The following DCN variants were observed in gnomAD, a reference collection of about 807,000 sequenced individuals.
DCN encodes bone proteoglycan II.
DCN carries 17 observed loss-of-function variants against 36.5 expected under a neutral mutation model. The observed-to-expected ratio is 0.47, with a 90% CI of 0.32 to 0.70. The LOEUF is 0.70. DCN is among the 30% of genes least tolerant of loss of function. The pLI is 0.04. For synonymous variants in DCN, 163 were observed against 161.4 expected, an observed-to-expected ratio of 1.01 and a Z score of -0.07; for missense variants, 389 against 430.1, an observed-to-expected ratio of 0.90 and a Z score of 0.84.
At chr12:91,151,595 AGCAGGGTGGGG>A (rs752460765) in intron 7 of DCN, 48 bp downstream of exon 7, 1 of 1,606,642 alleles carries the variant, frequency 6.2e-7, no homozygotes, top group Non-Finnish European at 8.5e-7. Flanking sequence ...GCATCCCATA[AGCAGGGTGGGG>A]GTCTTGCTTT....
At chr12:91,147,037 T>C (rs556896015) in intron 7 of DCN, among the ~76,000 whole-genome samples, 22 of 152,326 alleles carry the variant, frequency 1.4e-4, no homozygotes, top group Admixed American at 9.1e-4. Flanking sequence ...GCAATTGCTT[T>C]AGAAAGTAAA....
In DCN at chr12:91,182,652, T is replaced by C. The variant is rs1351277691; in HGVS notation, c.-34+3A>G. 4 of 151,940 alleles carry C rather than the reference T, an allele frequency of 2.6e-5. No homozygotes were observed. Among genetic ancestry groups the C allele is most frequent in the Non-Finnish European group, 5.9e-5 (4 of 67,966 alleles). 9.4% of individuals were successfully genotyped at this position (151,940 alleles called of 1,614,324 possible). A position where few individuals can be genotyped will look rare whatever the true frequency, so the allele number is the denominator to read the frequency against. On this transcript the variant is annotated splice_donor_region_variant and intron_variant, in intron 1 of 7. Transcript: ENST00000052754. The stretch of plus-strand genomic sequence containing the variant: ...AGTTCAGGACAATTATTGAAAACCA[T>C]ACCTTTTAATCCGGGAATTTGCCAC...
chr12:91,158,071 C>A (rs544795473), intron 4 of DCN, among the ~76,000 whole-genome samples: 6 of 152,070 alleles, frequency 3.9e-5, no homozygotes, highest in Non-Finnish European at 7.4e-5. Context: ...TAACTTCAGC[C>A]CTAGGGTTTT....
rs1880801314 is a variant in DCN, at chr12:91,143,013, G to A, written c.*3045C>T. 1 of 152,078 alleles carries A rather than the reference G, an allele frequency of 6.6e-6. No individual in the cohort carries two copies. Among genetic ancestry groups the A allele is most frequent in the Admixed American group, 6.6e-5 (1 of 15,266 alleles). The allele number at this position is 152,078 out of a possible 1,614,324, so 9.4% of individuals were successfully genotyped here. Reference sequence around the variant, plus strand: ...TAAGATGGGTTCATACTAAATTAGGGTGAGCCTTAATCCAATATAACTCAT... The same window carrying A: ...TAAGATGGGTTCATACTAAATTAGGATGAGCCTTAATCCAATATAACTCAT... On this transcript the variant is annotated 3_prime_UTR_variant, in exon 8 of 8. Transcript: ENST00000052754.
rs914976697 is a variant in DCN, at chr12:91,143,568, A to G, written c.*2490T>C. 1 of 152,132 alleles carries G rather than the reference A, an allele frequency of 6.6e-6. No homozygotes were observed. Among genetic ancestry groups the G allele is most frequent in the Non-Finnish European group, 1.5e-5 (1 of 68,026 alleles). 9.4% of individuals were successfully genotyped at this position (152,132 alleles called of 1,614,324 possible). A position where few individuals can be genotyped will look rare whatever the true frequency, so the allele number is the denominator to read the frequency against. ...AATGGCAGTAGCAACACCATAGTTGAGCCCTTTCCATTTACTCTACTTTGA... is the reference window on the plus strand; with the variant it reads ...AATGGCAGTAGCAACACCATAGTTGGGCCCTTTCCATTTACTCTACTTTGA... On this transcript the variant is annotated 3_prime_UTR_variant, in exon 8 of 8. Coordinates refer to ENST00000052754, the MANE Select transcript of DCN (RefSeq NM_001920.5).
intron 2 of DCN, 84 bp downstream of exon 2, chr12:91,178,258 A>G: frequency 8.1e-7 from 1 of 1,239,286 alleles, no homozygotes; most frequent in Non-Finnish European, 1.2e-6. Context: ...GAGAGATTAA[A>G]ACTGAAAATG....
At chr12:91,149,110 C>G (rs1354988542) in intron 7 of DCN, among the ~76,000 whole-genome samples, 4 of 151,824 alleles carry the variant, frequency 2.6e-5, no homozygotes, top group Non-Finnish European at 5.9e-5. Context: ...TCAATATTTT[C>G]TAAGACCAAA....
chr12:91,171,921 G>A (rs1205076580), intron 2 of DCN, among the ~76,000 whole-genome samples: 2 of 151,868 alleles, frequency 1.3e-5, no homozygotes, highest in Non-Finnish European at 2.9e-5. Context: ...GGAGCATAGT[G>A]GTTTCCTACA....
Position 91,151,054 on chromosome 12 carries a change from G to A in DCN, c.885+600C>T, listed in dbSNP as rs192322641. The stretch of plus-strand genomic sequence containing the variant: ...TGGAAGTTGAATGCTGAGAACACAC[G>A]GACACAGAGAGGGTAACAAAACACA... On this transcript the variant is annotated intron_variant, in intron 7 of 7. Coordinates refer to ENST00000052754, the MANE Select transcript of DCN (RefSeq NM_001920.5). 2.8e-3 allele frequency: 437 copies of A among 153,928 alleles called. 1 individual carries two copies. The highest frequency in any genetic ancestry group is 4.7e-3 in the Admixed American group (73 of 15,570). 9.5% of individuals were successfully genotyped at this position (153,928 alleles called of 1,614,324 possible). A position where few individuals can be genotyped will look rare whatever the true frequency, so the allele number is the denominator to read the frequency against.
At chr12:91,179,218 C>A (rs2121330559) in intron 1 of DCN, 1 of 156,938 alleles carries the variant, frequency 6.4e-6, no homozygotes, top group Admixed American at 6.2e-5. Flanking sequence ...TCAATACTGT[C>A]CACAGTCCCT....
intron 2 of DCN, among the ~76,000 whole-genome samples, chr12:91,174,294 G>T (rs868264158): frequency 9.2e-5 from 14 of 152,012 alleles, no homozygotes; most frequent in Middle Eastern, 6.8e-3. Context: ...GTACTATTTT[G>T]TGTCTAGCTT....
chr12:91,169,200 C>G (rs1363558211), intron 2 of DCN, among the ~76,000 whole-genome samples: 2 of 151,466 alleles, frequency 1.3e-5, no homozygotes, highest in Non-Finnish European at 2.9e-5. Flanking sequence ...AGTTCAAGAC[C>G]AGCCTGGGCA....
At chr12:91,161,175 G>A (rs1882132713) in intron 3 of DCN, among the ~76,000 whole-genome samples, 1 of 152,124 alleles carries the variant, frequency 6.6e-6, no homozygotes. Flanking sequence ...CTTTGAAGTA[G>A]AAAGAAAGAG....
rs1043935993 is a variant in DCN at position 91,142,768 on chromosome 12, G to A, written c.*3290C>T. On this transcript the variant is annotated 3_prime_UTR_variant, in exon 8 of 8. Coordinates refer to ENST00000052754, the MANE Select transcript of DCN (RefSeq NM_001920.5). ...AGGCCTTTCCAACCAGGAGGGGTCA[G>A]AGACAAATTTTTAAGTTTCCAACCT... is the stretch of plus-strand genomic sequence containing the variant. 6.6e-5 allele frequency: 10 copies of A among 152,278 alleles called. No individual in the cohort carries two copies. The highest frequency in any genetic ancestry group is 2.2e-4 in the African/African-American group (9 of 41,572). The allele number at this position is 152,278 out of a possible 1,614,324, so 9.4% of individuals were successfully genotyped here.
chr12:91,160,063 T>G (rs898887639), intron 3 of DCN, among the ~76,000 whole-genome samples: 4 of 152,164 alleles, frequency 2.6e-5, no homozygotes, highest in Non-Finnish European at 4.4e-5. Context: ...AGTAACATAA[T>G]CATTTAACTA....
Position 91,145,104 on chromosome 12 carries a change from A to G in DCN, c.*954T>C, listed in dbSNP as rs1880927614. 1 of 152,242 alleles carries G rather than the reference A, an allele frequency of 6.6e-6. No individual in the cohort carries two copies. The highest frequency in any genetic ancestry group is 2.4e-5 in the African/African-American group (1 of 41,470). 9.4% of individuals were successfully genotyped at this position (152,242 alleles called of 1,614,324 possible). A position where few individuals can be genotyped will look rare whatever the true frequency, so the allele number is the denominator to read the frequency against. On this transcript the variant is annotated 3_prime_UTR_variant, in exon 8 of 8. Transcript: ENST00000052754. The stretch of plus-strand genomic sequence containing the variant: ...TACAATTTGATAAATGTTTACTGTA[A>G]GTAAATCATCCCCAGGCTTATTAAA...
intron 2 of DCN, chr12:91,172,895 A>G (rs1293250101): frequency 6.7e-6 from 4 of 598,522 alleles, no homozygotes; most frequent in East Asian, 2.9e-5. Flanking sequence ...AAATAGATAT[A>G]TAAAAAGATA....
At position 91,157,052 on chromosome 12, in the gene DCN, T is replaced by C. The variant is rs3138246; in HGVS notation, c.652+23A>G. ...GCCTTTGAATTTAAATTTTTCAAAA[T>C]GTTTTGGAGAATCTTCTATCACCTT... On this transcript the variant is annotated intron_variant, in intron 5 of 7. Transcript: ENST00000052754. 5,244 of 1,494,454 alleles carry C rather than the reference T, an allele frequency of 3.5e-3. 131 individuals are homozygous for C. In the African/African-American group the frequency reaches 0.059, roughly 17 times the overall value. The allele number at this position is 1,494,454 out of a possible 1,614,324, so 92.6% of individuals were successfully genotyped here. A position where few individuals can be genotyped will look rare whatever the true frequency, so the allele number is the denominator to read the frequency against.
intron 1 of DCN, among the ~76,000 whole-genome samples, chr12:91,180,021 A>G (rs569993460): frequency 6.6e-6 from 1 of 151,464 alleles, no homozygotes; most frequent in Non-Finnish European, 1.5e-5. Flanking sequence ...AATCTGAGTG[A>G]CAAAATCGTA....
Sources: gnomAD v4.1 joint callset for allele counts (sites outside exome capture counted in the v4.1 genomes callset) on GRCh38, gnomAD v4.1.1 for gene constraint, MANE v1.5 for transcripts, NCBI Gene and HGNC (gene_info 2026-07-23, HGNC 2026-07-21) for gene names.